Variants in HDAC8 observed in about 807,000 individuals in gnomAD.
HDAC8 encodes the protein histone deacetylase 8.
Under a neutral mutation model 32.2 loss-of-function variants are expected in HDAC8, and 1 was observed. The observed-to-expected ratio is 0.03, with a 90% CI of 0.01 to 0.15. HDAC8 has a LOEUF of 0.15. HDAC8 is among the 10% of genes least tolerant of loss of function. HDAC8 has a pLI of 1.00. For synonymous variants in HDAC8, 108 were observed against 113.9 expected (o/e 0.95, Z 0.33); for missense variants, 117 against 300.0 (o/e 0.39, Z 4.51).
At chrX:72,472,357 G>T (rs544905989) in intron 7 of HDAC8, among the ~76,000 whole-genome samples, 1 of 111,494 alleles carries the variant, frequency 9.0e-6, no homozygotes, top group South Asian at 3.7e-4. Context: ...GTGAGCCACC[G>T]CGCCCGGCCC....
chrX:72,457,443 T>G (rs782345069), intron 9 of HDAC8, among the ~76,000 whole-genome samples: 1 of 112,590 alleles, frequency 8.9e-6, no homozygotes, highest in South Asian at 3.7e-4. Flanking sequence ...GATGTTTGCA[T>G]ACATGGATTA....
At chrX:72,470,355 GCTA>G (rs2048137903) in intron 7 of HDAC8, among the ~76,000 whole-genome samples, 1 of 111,317 alleles carries the variant, frequency 9.0e-6, no homozygotes, top group African/African-American at 3.3e-5. Flanking sequence ...ACTGGTTGAA[GCTA>G]TGTGTAATGA....
intron 4 of HDAC8, among the ~76,000 whole-genome samples, chrX:72,531,145 AC>A (rs782251229): frequency 5.4e-5 from 6 of 112,149 alleles, no homozygotes; most frequent in Non-Finnish European, 9.4e-5. Context: ...TTAAAGCCAT[AC>A]TTGGATTGTC....
chrX:72,347,149 G>A (rs1205446914), intron 10 of HDAC8, among the ~76,000 whole-genome samples: 1 of 111,687 alleles, frequency 9.0e-6, no homozygotes, highest in Non-Finnish European at 1.9e-5. Flanking sequence ...TCTTGGCCAA[G>A]TCACCTATCC....
intron 9 of HDAC8, among the ~76,000 whole-genome samples, chrX:72,440,511 C>T (rs1333537509): frequency 6.3e-5 from 7 of 111,389 alleles, no homozygotes; most frequent in Non-Finnish European, 1.1e-4. Flanking sequence ...ACAAAAAACC[C>T]TTCAAAAAAA....
At chrX:72,392,839 C>T (rs2045648658) in intron 9 of HDAC8, among the ~76,000 whole-genome samples, 1 of 111,915 alleles carries the variant, frequency 8.9e-6, no homozygotes, top group African/African-American at 3.2e-5. Flanking sequence ...AGTTCTTCAG[C>T]ATATAATCAC....
At chrX:72,374,631 C>T (rs1002704727) in intron 9 of HDAC8, among the ~76,000 whole-genome samples, 12 of 108,716 alleles carry the variant, frequency 1.1e-4, no homozygotes, top group Middle Eastern at 9.7e-3. Context: ...GAGATCACGT[C>T]ATTGCACTAC....
chrX:72,400,792 C>G (rs1023134101), intron 9 of HDAC8, among the ~76,000 whole-genome samples: 4 of 111,855 alleles, frequency 3.6e-5, no homozygotes, highest in Non-Finnish European at 7.5e-5. Context: ...CTCCATTACC[C>G]ACCTCTCACC....
At chrX:72,385,802 G>T (rs1213655972) in intron 9 of HDAC8, among the ~76,000 whole-genome samples, 1 of 111,908 alleles carries the variant, frequency 8.9e-6, no homozygotes, top group Non-Finnish European at 1.9e-5. Context: ...ACAAAGAATT[G>T]CTGAGTCACA....
At chrX:72,490,669 G>A (rs1217166390) in intron 6 of HDAC8, among the ~76,000 whole-genome samples, 1 of 105,047 alleles carries the variant, frequency 9.5e-6, no homozygotes, top group African/African-American at 3.5e-5. Context: ...CGAGTTAATG[G>A]GTGCAGCACA....
intron 9 of HDAC8, among the ~76,000 whole-genome samples, chrX:72,371,319 T>G (rs1436467411): frequency 1.8e-5 from 2 of 111,716 alleles, no homozygotes; most frequent in Non-Finnish European, 3.8e-5. Flanking sequence ...AATGAAAAGT[T>G]AAAAAAGTAA....
intron 9 of HDAC8, among the ~76,000 whole-genome samples, chrX:72,430,639 A>G (rs1555977108): frequency 2.7e-5 from 3 of 112,066 alleles, no homozygotes; most frequent in African/African-American, 9.7e-5. Flanking sequence ...TTTATCTTGT[A>G]TTGCCATTTA....
At chrX:72,405,167 TTCTCTC>T (rs2046004464) in intron 9 of HDAC8, among the ~76,000 whole-genome samples, 1 of 111,362 alleles carries the variant, frequency 9.0e-6, no homozygotes, top group Non-Finnish European at 1.9e-5. Flanking sequence ...TGTGTGTTGT[TTCTCTC>T]TATGTGTCCA....
intron 9 of HDAC8, among the ~76,000 whole-genome samples, chrX:72,389,925 G>A (rs994506102): frequency 9.0e-6 from 1 of 111,626 alleles, no homozygotes; most frequent in Non-Finnish European, 1.9e-5. Flanking sequence ...GGTACCATGG[G>A]GGGCAGGGAT....
At chrX:72,369,999 C>T (rs781895230) in intron 9 of HDAC8, among the ~76,000 whole-genome samples, 1 of 112,005 alleles carries the variant, frequency 8.9e-6, no homozygotes, top group East Asian at 2.8e-4. Context: ...CTCCTTGTCT[C>T]CCCACTCCAC....
At chrX:72,438,931 A>G (rs2047036555) in intron 9 of HDAC8, among the ~76,000 whole-genome samples, 1 of 111,998 alleles carries the variant, frequency 8.9e-6, no homozygotes, top group Non-Finnish European at 1.9e-5. Flanking sequence ...ATAGCAAGAC[A>G]GGCCAACATT....
At chrX:72,489,625 G>T (rs1283198357) in intron 6 of HDAC8, among the ~76,000 whole-genome samples, 1 of 110,104 alleles carries the variant, frequency 9.1e-6, no homozygotes, top group Non-Finnish European at 1.9e-5. Flanking sequence ...AGACTTAAAC[G>T]TTAGACCTAA....
intron 4 of HDAC8, among the ~76,000 whole-genome samples, chrX:72,536,051 T>C (rs1172618769): frequency 8.9e-6 from 1 of 111,811 alleles, no homozygotes; most frequent in African/African-American, 3.2e-5. Flanking sequence ...ATCAGATGTT[T>C]CCATGCCTAA....
chrX:72,515,181 T>C (rs942917933), intron 4 of HDAC8, among the ~76,000 whole-genome samples: 1 of 111,078 alleles, frequency 9.0e-6, no homozygotes, highest in Non-Finnish European at 1.9e-5. Context: ...CTGTATCCCC[T>C]GACCAACATC....
Sources: gnomAD v4.1 joint callset for allele counts (sites outside exome capture counted in the v4.1 genomes callset) on GRCh38, gnomAD v4.1.1 for gene constraint, MANE v1.5 for transcripts, NCBI Gene and HGNC (gene_info 2026-07-23, HGNC 2026-07-21) for gene names.